ERBIN: variants seen among roughly 807,000 people sequenced by gnomAD.
The protein encoded by ERBIN is erbb2 interacting protein.
Under a neutral mutation model 158.4 loss-of-function variants are expected in ERBIN, and 60 were observed. The ratio of observed to expected loss-of-function variants is 0.38; its 90% CI spans 0.31 to 0.47. The LOEUF is 0.47. Among genes scored for constraint, ERBIN ranks in the 20% least tolerant of loss-of-function variants. The pLI is 0.99. For synonymous variants in ERBIN, 594 were observed against 557.2 expected, an observed-to-expected ratio of 1.07 and a Z score of -0.93; for missense variants, 1,610 against 1,648.0, an observed-to-expected ratio of 0.98 and a Z score of 0.40.
chr5:66,059,558 G>A (rs1290310353), intron 21 of ERBIN, among the ~76,000 whole-genome samples: 1 of 152,182 alleles, frequency 6.6e-6, no homozygotes, highest in African/African-American at 2.4e-5. Context: ...ACCCTGGCCA[G>A]AATTTCCAAC....
intron 1 of ERBIN, among the ~76,000 whole-genome samples, chr5:65,933,987 C>T (rs1405652922): frequency 6.6e-6 from 1 of 152,142 alleles, no homozygotes; most frequent in Non-Finnish European, 1.5e-5. Context: ...GCTCCACCTC[C>T]TGGATTCACG....
chr5:65,982,153 C>T (rs1750729171), intron 1 of ERBIN, among the ~76,000 whole-genome samples: 1 of 152,188 alleles, frequency 6.6e-6, no homozygotes, highest in African/African-American at 2.4e-5. Flanking sequence ...TGTGTCAGTT[C>T]TTTGAGCCTT....
In ERBIN at chr5:65,966,680, C is replaced by CA. The variant is rs70987105; in HGVS notation, c.-57-21926dup. Among the ~76,000 whole-genome samples, 221 of 50,136 alleles carry CA rather than the reference C, an allele frequency of 4.4e-3. 8 individuals carry two copies. The highest frequency in any genetic ancestry group is 0.013 in the East Asian group (17 of 1,288). 32.9% of individuals were successfully genotyped at this position (50,136 alleles called of 152,430 possible). A position where few individuals can be genotyped will look rare whatever the true frequency, so the allele number is the denominator to read the frequency against. On this transcript the variant is annotated intron_variant, in intron 1 of 25. Coordinates refer to ENST00000284037, the MANE Select transcript of ERBIN (RefSeq NM_001253697.2). ...GGGCAACAAGAGTGAAACTCTGTCT[C>CA]AAAAAAAAAAAAAAAAAAAAAAAAA...
At chr5:66,060,145 T>A (rs1021480390) in intron 21 of ERBIN, among the ~76,000 whole-genome samples, 8 of 152,220 alleles carry the variant, frequency 5.3e-5, no homozygotes, top group African/African-American at 1.4e-4. Context: ...CTGGTAGAAT[T>A]CAGCTGTGAA....
At chr5:66,022,871 A>G (rs1287312074) in intron 8 of ERBIN, 5 of 153,690 alleles carry the variant, frequency 3.3e-5, no homozygotes, top group Admixed American at 1.3e-4. Flanking sequence ...ACCAGGGAAC[A>G]TTTGTAATTT....
chr5:66,066,335 G>A (rs1424430491), intron 21 of ERBIN, among the ~76,000 whole-genome samples: 1 of 151,886 alleles, frequency 6.6e-6, no homozygotes, highest in Admixed American at 6.6e-5. Flanking sequence ...AATTCTAATG[G>A]CAAAGTAGAC....
At chr5:65,927,032 A>G (rs989517045) in intron 1 of ERBIN, among the ~76,000 whole-genome samples, 5 of 142,676 alleles carry the variant, frequency 3.5e-5, no homozygotes, top group African/African-American at 1.3e-4. Context: ...ATTTTTTGGA[A>G]GAGGTTGTAA....
In ERBIN at chr5:66,054,891, A is replaced by G. The variant is rs2151242683; in HGVS notation, c.3573A>G (p.Lys1191=). ...HSLLDPPGKS[K]VPRDWREQVL... is the part of the protein sequence containing the mutation. ...TATTAGATCCTCCAGGAAAAAGTAA[A>G]GTTCCTCGTGACTGGAGAGAACAAG... The change falls in exon 21 of 26, where the codon AAA becomes AAG. Residue 1191 remains lysine, a synonymous_variant. Coordinates refer to ENST00000284037, the MANE Select transcript of ERBIN (RefSeq NM_001253697.2). The G allele has an allele frequency of 6.2e-7, 1 of 1,614,016 alleles. No homozygotes were observed. Among genetic ancestry groups the G allele is most frequent in the Non-Finnish European group, 8.5e-7 (1 of 1,179,956 alleles).
intron 1 of ERBIN, among the ~76,000 whole-genome samples, chr5:65,952,288 T>C (rs1370019472): frequency 6.6e-6 from 1 of 152,300 alleles, no homozygotes; most frequent in South Asian, 2.1e-4. Flanking sequence ...ATAGATATAC[T>C]ACAGAGAGTC....
intron 21 of ERBIN, among the ~76,000 whole-genome samples, chr5:66,058,353 G>T: frequency 6.6e-6 from 1 of 152,058 alleles, no homozygotes; most frequent in Non-Finnish European, 1.5e-5. Flanking sequence ...AGAAGTGTCT[G>T]TTCATATGCT....
intron 1 of ERBIN, among the ~76,000 whole-genome samples, chr5:65,932,454 A>G (rs567642265): frequency 1.3e-5 from 2 of 152,298 alleles, no homozygotes; most frequent in East Asian, 1.9e-4. Context: ...TGCTTTTGCA[A>G]CATCAGTGTA....
At chr5:65,932,287 C>T (rs944619112) in intron 1 of ERBIN, among the ~76,000 whole-genome samples, 3 of 147,358 alleles carry the variant, frequency 2.0e-5, no homozygotes, top group African/African-American at 7.6e-5. Flanking sequence ...TGCAGTGAGC[C>T]GAGATCGCGC....
At chr5:66,028,777 C>A (rs978491076) in intron 14 of ERBIN, among the ~76,000 whole-genome samples, 1 of 152,264 alleles carries the variant, frequency 6.6e-6, no homozygotes, top group Middle Eastern at 3.4e-3. Flanking sequence ...TACCCTTTGA[C>A]CAATATATCC....
intron 1 of ERBIN, among the ~76,000 whole-genome samples, chr5:65,933,211 C>A (rs928394414): frequency 6.6e-6 from 1 of 152,110 alleles, no homozygotes; most frequent in Non-Finnish European, 1.5e-5. Flanking sequence ...TCTTACTGTG[C>A]TTTTGGTGTA....
chr5:65,997,136 T>C (rs905093943), intron 4 of ERBIN, among the ~76,000 whole-genome samples: 1 of 152,176 alleles, frequency 6.6e-6, no homozygotes, highest in Admixed American at 6.5e-5. Flanking sequence ...AGGACTTAAG[T>C]ACAACGTTGA....
At chr5:66,058,166 T>C (rs1459655135) in intron 21 of ERBIN, among the ~76,000 whole-genome samples, 4 of 151,820 alleles carry the variant, frequency 2.6e-5, no homozygotes, top group African/African-American at 9.7e-5. Flanking sequence ...GTAAAAGTGT[T>C]CCTATTTCTC....
chr5:66,005,527 G>A (rs1753489437), intron 4 of ERBIN, among the ~76,000 whole-genome samples: 1 of 152,164 alleles, frequency 6.6e-6, no homozygotes, highest in African/African-American at 2.4e-5. Flanking sequence ...TCAATAAAAA[G>A]AAGGCTAAAG....
chr5:66,059,655 T>C (rs1271496356), intron 21 of ERBIN, among the ~76,000 whole-genome samples: 1 of 152,216 alleles, frequency 6.6e-6, no homozygotes, highest in Non-Finnish European at 1.5e-5. Context: ...GTCCATTCAG[T>C]ATGATATTGG....
rs746472060 is a variant in ERBIN at position 66,044,128 on chromosome 5, T to C, written c.1429-9T>C. 7.2e-6 allele frequency: 11 copies of C among 1,525,240 alleles called. No homozygotes were observed. In the Admixed American group the frequency reaches 2.6e-4, roughly 36 times the overall value. The allele number at this position is 1,525,240 out of a possible 1,614,324, so 94.5% of individuals were successfully genotyped here. A position where few individuals can be genotyped will look rare whatever the true frequency, so the allele number is the denominator to read the frequency against. ...TGTACTTCATATTTTACTTATTTTA[T>C]TTCTCTAGGAGGGAAATTTAAAAAG... On this transcript the variant is annotated splice_polypyrimidine_tract_variant and intron_variant, in intron 16 of 25. Coordinates refer to ENST00000284037, the MANE Select transcript of ERBIN (RefSeq NM_001253697.2).
Sources: gnomAD v4.1 joint callset for allele counts (sites outside exome capture counted in the v4.1 genomes callset) on GRCh38, gnomAD v4.1.1 for gene constraint, MANE v1.5 for transcripts, NCBI Gene and HGNC (gene_info 2026-07-23, HGNC 2026-07-21) for gene names.